PCNX1: variants seen among roughly 807,000 people sequenced by gnomAD.
PCNX1 encodes the protein pecanex 1, also known as pecanex-like protein 1.
PCNX1 carries 78 observed loss-of-function variants against 242.2 expected under a neutral mutation model. That is an observed-to-expected ratio of 0.32 (90% CI 0.27 to 0.39). The LOEUF is 0.39. PCNX1 is among the 10% of genes least tolerant of loss of function. The pLI, the probability that PCNX1 is intolerant of heterozygous loss-of-function variation, is 1.00. For synonymous variants in PCNX1, 1,024 were observed against 1,032.9 expected (o/e 0.99, Z 0.17); for missense variants, 2,581 against 2,856.5 (o/e 0.90, Z 2.20).
At chr14:70,908,705 T>TG (rs34108167) in intron 1 of PCNX1, among the ~76,000 whole-genome samples, 1 of 152,114 alleles carries the variant, frequency 6.6e-6, no homozygotes, top group Non-Finnish European at 1.5e-5. Flanking sequence ...CTGGCCTCCC[T>TG]GGGGGGAGGG....
chr14:71,028,128 A>C (rs1187894677), intron 15 of PCNX1, among the ~76,000 whole-genome samples: 1 of 151,892 alleles, frequency 6.6e-6, no homozygotes, highest in Non-Finnish European at 1.5e-5. Flanking sequence ...AGTATTAGTA[A>C]TTATCTATTT....
chr14:71,055,642 G>C (rs2061163451), intron 25 of PCNX1, 80 bp downstream of exon 25: 1 of 795,646 alleles, frequency 1.3e-6, no homozygotes, highest in Non-Finnish European at 2.0e-6. Context: ...CTCCTAACTT[G>C]TTGGGAATCC....
chr14:71,100,853 A>T (rs141572486), intron 30 of PCNX1, among the ~76,000 whole-genome samples: 29 of 152,136 alleles, frequency 1.9e-4, no homozygotes, highest in Admixed American at 4.6e-4. Flanking sequence ...CGAGGTCCAA[A>T]ATCTTCTGCC....
intron 19 of PCNX1, among the ~76,000 whole-genome samples, chr14:71,038,900 T>G (rs558791467): frequency 2.0e-5 from 3 of 151,164 alleles, no homozygotes; most frequent in South Asian, 2.1e-4. Flanking sequence ...CCATAAAAAA[T>G]GATGAGTTCA....
At chr14:71,048,437 A>G (rs2141139211) in intron 22 of PCNX1, among the ~76,000 whole-genome samples, 1 of 152,302 alleles carries the variant, frequency 6.6e-6, no homozygotes. Flanking sequence ...TTCTGCTAAA[A>G]TTCATTATCC....
In PCNX1 at chr14:70,969,118, C is replaced by G. The variant is rs367861815; in HGVS notation, c.604+8C>G. 1.1e-5 allele frequency: 17 copies of G among 1,534,732 alleles called. No homozygotes were observed. The highest frequency in any genetic ancestry group is 1.4e-5 in the Non-Finnish European group (16 of 1,107,822). On this transcript the variant is annotated splice_region_variant and intron_variant, in intron 5 of 35. Transcript: ENST00000304743. ...AAGGAAGTGAAGAACAAGGTAAGAACGTTATACTTTACCATGATGTCATAT... is the reference window on the plus strand; with the variant it reads ...AAGGAAGTGAAGAACAAGGTAAGAAGGTTATACTTTACCATGATGTCATAT...
chr14:71,009,781 T>C, intron 9 of PCNX1, 57 bp downstream of exon 9: 3 of 1,063,422 alleles, frequency 2.8e-6, no homozygotes, highest in Non-Finnish European at 2.8e-6. Context: ...CCATATTTAA[T>C]GTTTTTAAGC....
chr14:70,960,073 G>GGTT (rs2058153100), intron 2 of PCNX1, among the ~76,000 whole-genome samples: 1 of 94,348 alleles, frequency 1.1e-5, no homozygotes, highest in African/African-American at 3.9e-5. Flanking sequence ...TTTTTGATGG[G>GGTT]GTTGTTTGTT....
At position 70,973,449 on chromosome 14, in the gene PCNX1, A is replaced by G. The variant is rs1040465607; in HGVS notation, c.605-3493A>G. Among the ~76,000 whole-genome samples the G allele has an allele frequency of 6.4e-4, 97 of 152,038 alleles. 1 individual carries two copies. Among genetic ancestry groups the G allele is most frequent in the African/African-American group, 3.1e-4 (13 of 41,402 alleles). ...TGCCGATAGGTCAGGTGACATGCAG[A>G]CTGAGACTTGACCATTGGATTGAAC... On this transcript the variant is annotated intron_variant, in intron 5 of 35. Transcript: ENST00000304743.
intron 23 of PCNX1, 126 bp from the exon 24 acceptor site, chr14:71,051,757 T>C: frequency 1.2e-6 from 1 of 846,900 alleles, no homozygotes; most frequent in African/African-American, 1.7e-5. Flanking sequence ...CCTTCTTTTG[T>C]ATTCTTCTGG....
intron 26 of PCNX1, among the ~76,000 whole-genome samples, chr14:71,068,402 GTA>G (rs566036233): frequency 1.6e-4 from 24 of 148,270 alleles, no homozygotes; most frequent in Middle Eastern, 3.6e-3. Context: ...TTATGTATAC[GTA>G]TATATATGTA....
Position 71,054,716 on chromosome 14 carries a change from C to T in PCNX1, c.4578-788C>T, listed in dbSNP as rs188360659. ...CACAAATACTTGCCCTCATGACAGCCGTTGTACTTCAGAAGGCAGCAGAAG... is the reference window on the plus strand; with the variant it reads ...CACAAATACTTGCCCTCATGACAGCTGTTGTACTTCAGAAGGCAGCAGAAG... On this transcript the variant is annotated intron_variant, in intron 24 of 35. Transcript: ENST00000304743. 8.7e-4 allele frequency among the ~76,000 whole-genome samples: 133 copies of T among 152,192 alleles called. 2 individuals are homozygous for T. The highest frequency in any genetic ancestry group is 1.8e-3 in the Non-Finnish European group (124 of 68,002).
chr14:71,042,814 T>C (rs938601952), intron 19 of PCNX1, among the ~76,000 whole-genome samples: 12 of 152,136 alleles, frequency 7.9e-5, no homozygotes, highest in African/African-American at 2.7e-4. Flanking sequence ...CTTCCTCTTT[T>C]ATTGTTTACT....
chr14:71,105,774 C>T (rs1235810361), intron 33 of PCNX1, among the ~76,000 whole-genome samples: 3 of 151,724 alleles, frequency 2.0e-5, no homozygotes, highest in Non-Finnish European at 4.4e-5. Flanking sequence ...ATCTCCTGAC[C>T]TCATGATCTG....
At chr14:71,079,223 T>TATATG (rs1426401259) in intron 28 of PCNX1, among the ~76,000 whole-genome samples, 17 of 152,068 alleles carry the variant, frequency 1.1e-4, no homozygotes, top group African/African-American at 3.9e-4. Flanking sequence ...TGTATATGTG[T>TATATG]CACATTTTAT....
chr14:71,006,103 C>CTGTGTGTGTGTG (rs60147260), intron 8 of PCNX1, among the ~76,000 whole-genome samples: 1 of 114,154 alleles, frequency 8.8e-6, no homozygotes. Context: ...GTGTGTGTGT[C>CTGTGTGTGTGTG]TGTGTGTGTG....
intron 25 of PCNX1, among the ~76,000 whole-genome samples, chr14:71,056,656 G>A (rs573629076): frequency 7.9e-5 from 12 of 151,830 alleles, no homozygotes; most frequent in African/African-American, 2.2e-4. Context: ...ATTAAGTGAT[G>A]TTTATTTTAA....
intron 1 of PCNX1, among the ~76,000 whole-genome samples, chr14:70,918,258 G>A (rs758975262): frequency 6.6e-5 from 10 of 152,174 alleles, no homozygotes; most frequent in Non-Finnish European, 1.5e-4. Context: ...ATGAGGATTA[G>A]CTTTCTACCT....
At chr14:71,029,139 GT>G (rs1192889966) in intron 16 of PCNX1, among the ~76,000 whole-genome samples, 3 of 151,778 alleles carry the variant, frequency 2.0e-5, no homozygotes, top group Non-Finnish European at 4.4e-5. Flanking sequence ...TTTCCTATTA[GT>G]TTTTTTAAAC....
Sources: gnomAD v4.1 joint callset for allele counts (sites outside exome capture counted in the v4.1 genomes callset) on GRCh38, gnomAD v4.1.1 for gene constraint, MANE v1.5 for transcripts, NCBI Gene and HGNC (gene_info 2026-07-23, HGNC 2026-07-21) for gene names.